CSMD1: variants seen among roughly 807,000 people sequenced by gnomAD.
The protein encoded by CSMD1 is CUB and sushi domain-containing protein 1.
CSMD1 carries 213 observed loss-of-function variants against 417.5 expected under a neutral mutation model. The ratio of observed to expected loss-of-function variants is 0.51; its 90% CI spans 0.46 to 0.57. The LOEUF (loss-of-function observed/expected upper bound fraction) is 0.57, where lower values mean the gene tolerates loss of function less well. Among genes scored for constraint, CSMD1 ranks in the 20% least tolerant of loss-of-function variants. The pLI, the probability that CSMD1 is intolerant of heterozygous loss-of-function variation, is 0.00. For missense variants in CSMD1, 6,923 were observed against 4,529.7 expected, an observed-to-expected ratio of 1.53 and a Z score of -15.17; for synonymous variants, 2,862 against 1,736.8, an observed-to-expected ratio of 1.65 and a Z score of -16.11.
intron 26 of CSMD1, among the ~76,000 whole-genome samples, chr8:3,270,574 A>T (rs1014042692): frequency 6.6e-6 from 1 of 152,342 alleles, no homozygotes; most frequent in Non-Finnish European, 1.5e-5. Context: ...ATCAAGAATT[A>T]TAACACTTAA....
At chr8:4,637,754 T>C (rs1802922761) in intron 1 of CSMD1, among the ~76,000 whole-genome samples, 196 bp from the exon 2 acceptor site, 2 of 141,072 alleles carry the variant, frequency 1.4e-5, no homozygotes, top group Non-Finnish European at 3.0e-5. Flanking sequence ...CACTGCAAGC[T>C]CCGCTTCCCG....
At chr8:3,964,406 G>A (rs1320137540) in intron 5 of CSMD1, among the ~76,000 whole-genome samples, 1 of 152,084 alleles carries the variant, frequency 6.6e-6, no homozygotes, top group Non-Finnish European at 1.5e-5. Flanking sequence ...ATTTAGCATA[G>A]CTCCTGTTTT....
chr8:4,883,796 C>G (rs1185501561), intron 1 of CSMD1, among the ~76,000 whole-genome samples: 1 of 151,804 alleles, frequency 6.6e-6, no homozygotes, highest in Non-Finnish European at 1.5e-5. Flanking sequence ...TTCATGTACA[C>G]AAAAAATATT....
At position 4,419,908 on chromosome 8, in the gene CSMD1, C is replaced by T. The variant is rs765954182; in HGVS notation, c.415+45G>A. 6.5e-6 allele frequency: 8 copies of T among 1,237,586 alleles called. No homozygotes were observed. In the South Asian group the frequency reaches 9.0e-5, roughly 14 times the overall value. 76.7% of individuals were successfully genotyped at this position (1,237,586 alleles called of 1,614,324 possible). On this transcript the variant is annotated intron_variant, in intron 3 of 69. Transcript: ENST00000635120. ...TAATCCAGTGTAGCATGTATTAGAT[C>T]ATTTGGACAGTGAATGCATGTGCAA...
intron 7 of CSMD1, among the ~76,000 whole-genome samples, chr8:3,637,589 A>G (rs989733635): frequency 2.0e-5 from 3 of 152,126 alleles, no homozygotes; most frequent in Non-Finnish European, 4.4e-5. Context: ...AATATTGACT[A>G]CTATTTTGTT....
intron 3 of CSMD1, among the ~76,000 whole-genome samples, chr8:4,169,759 T>A (rs1388604752): frequency 6.6e-6 from 1 of 152,268 alleles, no homozygotes; most frequent in Admixed American, 6.5e-5. Context: ...CCTTGAGGAC[T>A]ATTCATGGGA....
intron 5 of CSMD1, among the ~76,000 whole-genome samples, chr8:3,973,310 A>G (rs1410868429): frequency 1.3e-5 from 2 of 152,140 alleles, no homozygotes; most frequent in African/African-American, 2.4e-5. Context: ...GGATTTGAAT[A>G]TCAGTTGAAT....
chr8:3,145,819 C>T (rs1818811113), intron 40 of CSMD1, among the ~76,000 whole-genome samples: 1 of 152,188 alleles, frequency 6.6e-6, no homozygotes, highest in Admixed American at 6.5e-5. Flanking sequence ...AATCTGAATA[C>T]TTACCTTTGG....
In CSMD1 at chr8:4,753,450, C is replaced by A. The variant is rs547036858; in HGVS notation, c.86-115892G>T. Among the ~76,000 whole-genome samples the A allele has an allele frequency of 5.4e-5, 8 of 148,958 alleles. No homozygotes were observed. The East Asian group carries it at 1.6e-3, about 30-fold the overall frequency. ...ACACACACACACACACACACACATG[C>A]GCACACACTCCTTTGTGTCTTATGA... On this transcript the variant is annotated intron_variant, in intron 1 of 69. Coordinates refer to ENST00000635120, the MANE Select transcript of CSMD1 (RefSeq NM_033225.6).
At chr8:3,502,112 C>G (rs1231793613) in intron 10 of CSMD1, among the ~76,000 whole-genome samples, 1 of 152,026 alleles carries the variant, frequency 6.6e-6, no homozygotes, top group African/African-American at 2.4e-5. Context: ...CCACACAAAT[C>G]CCAGCACTTT....
intron 5 of CSMD1, among the ~76,000 whole-genome samples, chr8:3,862,688 T>C (rs966551449): frequency 2.0e-5 from 3 of 152,304 alleles, no homozygotes; most frequent in South Asian, 2.1e-4. Context: ...TGCTTTTCTA[T>C]ATAGGAATTC....
intron 2 of CSMD1, among the ~76,000 whole-genome samples, chr8:4,458,017 T>G (rs1333906864): frequency 1.3e-5 from 2 of 152,180 alleles, no homozygotes; most frequent in Admixed American, 1.3e-4. Flanking sequence ...TCTCCCTATA[T>G]CCGGTATTCC....
At chr8:4,067,398 T>C (rs1475571794) in intron 3 of CSMD1, among the ~76,000 whole-genome samples, 1 of 152,222 alleles carries the variant, frequency 6.6e-6, no homozygotes, top group Non-Finnish European at 1.5e-5. Context: ...AGAAAAACAG[T>C]ATTTCCTAGA....
rs1045527784 is a variant in CSMD1, at chr8:3,339,039, T to C, written c.3631+4255A>G. Among the ~76,000 whole-genome samples, 26 of 136,190 alleles carry C rather than the reference T, an allele frequency of 1.9e-4. 1 individual carries two copies. Among genetic ancestry groups the C allele is most frequent in the African/African-American group, 7.2e-4 (26 of 36,320 alleles). The allele number at this position is 136,190 out of a possible 152,430, so 89.3% of individuals were successfully genotyped here. On this transcript the variant is annotated intron_variant, in intron 23 of 69. Coordinates refer to ENST00000635120, the MANE Select transcript of CSMD1 (RefSeq NM_033225.6). ...TGTGATATTCCCCTTCCTGTGTCCATGTGATCTCATTGTTCAATTCCCACC... is the reference window on the plus strand; with the variant it reads ...TGTGATATTCCCCTTCCTGTGTCCACGTGATCTCATTGTTCAATTCCCACC...
intron 55 of CSMD1, 123 bp downstream of exon 55, chr8:2,978,489 A>T: frequency 2.7e-6 from 2 of 745,170 alleles, no homozygotes; most frequent in Non-Finnish European, 4.3e-6. Flanking sequence ...AACTCCTACA[A>T]TTGGTGATGG....
chr8:4,787,012 A>G (rs1158654232), intron 1 of CSMD1, among the ~76,000 whole-genome samples: 4 of 152,202 alleles, frequency 2.6e-5, no homozygotes. Flanking sequence ...GTGTGTGGCA[A>G]TGTGGAAGGA....
chr8:4,579,929 C>T (rs779007626), intron 2 of CSMD1, among the ~76,000 whole-genome samples: 2 of 152,138 alleles, frequency 1.3e-5, no homozygotes, highest in South Asian at 2.1e-4. Context: ...AGATGCATAG[C>T]TCGATTTCCT....
intron 1 of CSMD1, among the ~76,000 whole-genome samples, chr8:4,698,131 C>T (rs1208801932): frequency 9.3e-6 from 1 of 107,840 alleles, no homozygotes; most frequent in Non-Finnish European, 1.7e-5. Context: ...GCTTTGAATA[C>T]TGGGTTTTTT....
intron 3 of CSMD1, among the ~76,000 whole-genome samples, chr8:4,062,951 A>C (rs1015296980): frequency 6.6e-6 from 1 of 152,096 alleles, no homozygotes; most frequent in Non-Finnish European, 1.5e-5. Context: ...AAAGCTGTTA[A>C]CAACATCATC....
Sources: gnomAD v4.1 joint callset for allele counts (sites outside exome capture counted in the v4.1 genomes callset) on GRCh38, gnomAD v4.1.1 for gene constraint, MANE v1.5 for transcripts, NCBI Gene and HGNC (gene_info 2026-07-23, HGNC 2026-07-21) for gene names.